Variants in PCDHA1 observed in about 807,000 individuals in gnomAD.
The protein encoded by PCDHA1 is protocadherin alpha-1.
PCDHA1 carries 42 observed loss-of-function variants against 61.3 expected under a neutral mutation model. The observed-to-expected ratio is 0.69, with a 90% CI of 0.54 to 0.89. PCDHA1 has a LOEUF of 0.89. PCDHA1 is among the 40% of genes least tolerant of loss of function. The pLI, the probability that PCDHA1 is intolerant of heterozygous loss-of-function variation, is 0.00. For missense variants in PCDHA1, 1,256 were observed against 1,235.3 expected (o/e 1.02, Z -0.25); for synonymous variants, 610 against 553.8 (o/e 1.10, Z -1.43).
intron 1 of PCDHA1, chr5:140,849,388 T>G: frequency 6.5e-7 from 1 of 1,533,538 alleles, no homozygotes; most frequent in Non-Finnish European, 8.9e-7. Context: ...ATGGACCCCT[T>G]AAGTGGGGCA....
chr5:140,964,579 G>A (rs2095841483), intron 1 of PCDHA1, among the ~76,000 whole-genome samples: 1 of 152,090 alleles, frequency 6.6e-6, no homozygotes, highest in Non-Finnish European at 1.5e-5. Flanking sequence ...ATAAGGGGAG[G>A]AAAGATCACT....
Position 140,851,214 on chromosome 5 carries a change from A to G in PCDHA1, c.2394+62530A>G. ...AGTTGTTAGTCATTCATTAAACATT[A>G]ACATCACTATCATTTATTTATTGCT... On this transcript the variant is annotated intron_variant, in intron 1 of 3. Coordinates refer to ENST00000504120, the MANE Select transcript of PCDHA1 (RefSeq NM_018900.4). The G allele has an allele frequency of 6.9e-6, 8 of 1,159,680 alleles. 1 individual carries two copies. The highest frequency in any genetic ancestry group is 7.7e-6 in the Non-Finnish European group (7 of 905,618). 71.8% of individuals were successfully genotyped at this position (1,159,680 alleles called of 1,614,324 possible).
At chr5:140,878,575 C>T (rs1339417321) in intron 1 of PCDHA1, among the ~76,000 whole-genome samples, 1 of 152,222 alleles carries the variant, frequency 6.6e-6, no homozygotes, top group African/African-American at 2.4e-5. Context: ...TAGTATACCA[C>T]TGCCCTGTGC....
intron 1 of PCDHA1, among the ~76,000 whole-genome samples, chr5:140,897,000 T>C (rs2065833068): frequency 6.6e-6 from 1 of 152,180 alleles, no homozygotes; most frequent in Non-Finnish European, 1.5e-5. Context: ...CTTTTAGTTA[T>C]TTTTAAATAT....
rs144400963 is a variant in PCDHA1, at chr5:140,797,257, C to A, written c.2394+8573C>A. The A allele has an allele frequency of 2.2e-4, 360 of 1,614,096 alleles. No individual in the cohort carries two copies. Among genetic ancestry groups the A allele is most frequent in the Admixed American group, 5.3e-4 (32 of 60,012 alleles). ...GAGGGTGTGCTCTGGGGAGGACCCC[C>A]CCAAGACGGACCTCATGGCCTTCAG... On this transcript the variant is annotated intron_variant, in intron 1 of 3. Transcript: ENST00000504120.
intron 1 of PCDHA1, chr5:140,868,995 A>G (rs944875255): frequency 4.0e-6 from 6 of 1,516,046 alleles, no homozygotes; most frequent in Non-Finnish European, 5.3e-6. Context: ...CCACCGTTTA[A>G]GGATCCTTTG....
chr5:140,858,449 G>A, intron 1 of PCDHA1: 3 of 1,532,030 alleles, frequency 2.0e-6, no homozygotes, highest in African/African-American at 2.8e-5. Context: ...GGGTTATTAC[G>A]TTTTCATTTT....
intron 1 of PCDHA1, chr5:140,876,487 G>A (rs782413739): frequency 4.3e-6 from 7 of 1,613,904 alleles, no homozygotes; most frequent in Non-Finnish European, 5.9e-6. Flanking sequence ...GGTCCTGGTG[G>A]AAGTTCTGGA....
chr5:140,796,667 C>T (rs1554120037), intron 1 of PCDHA1: 1 of 1,613,886 alleles, frequency 6.2e-7, no homozygotes, highest in Non-Finnish European at 8.5e-7. Flanking sequence ...CTGTTGGCGC[C>T]TAGGGCTGGC....
intron 1 of PCDHA1, chr5:140,843,329 G>T: frequency 6.3e-7 from 1 of 1,596,060 alleles, no homozygotes; most frequent in Non-Finnish European, 8.6e-7. Context: ...GGTGTCGCTG[G>T]TGGAGAGCGG....
intron 1 of PCDHA1, among the ~76,000 whole-genome samples, chr5:140,906,637 C>A (rs1171706512): frequency 6.6e-6 from 1 of 152,226 alleles, no homozygotes; most frequent in Non-Finnish European, 1.5e-5. Flanking sequence ...AGCACCTCAG[C>A]AGGTAGTGGT....
At chr5:140,981,289 C>G (rs1554242771) in intron 2 of PCDHA1, among the ~76,000 whole-genome samples, 1 of 152,138 alleles carries the variant, frequency 6.6e-6, no homozygotes, top group Non-Finnish European at 1.5e-5. Flanking sequence ...AAAGGGTCCT[C>G]TAGTCTAGGT....
chr5:140,883,230 A>T (rs1554177225), intron 1 of PCDHA1: 1 of 1,614,082 alleles, frequency 6.2e-7, no homozygotes, highest in African/African-American at 1.3e-5. Flanking sequence ...ATATCCGTGG[A>T]GGCAGTTGAC....
intron 1 of PCDHA1, among the ~76,000 whole-genome samples, chr5:140,793,683 A>G (rs1411875833): frequency 6.6e-6 from 1 of 152,148 alleles, no homozygotes; most frequent in African/African-American, 2.4e-5. Context: ...TTTCATCCTC[A>G]TCTTATCTTT....
chr5:140,819,524 G>T (rs1446749236), intron 1 of PCDHA1, among the ~76,000 whole-genome samples: 2 of 152,068 alleles, frequency 1.3e-5, no homozygotes, highest in Non-Finnish European at 2.9e-5. Flanking sequence ...AACTGGATCA[G>T]TCAAGAAAAT....
intron 1 of PCDHA1, chr5:140,867,897 T>C (rs1402943903): frequency 6.6e-6 from 1 of 152,136 alleles, no homozygotes; most frequent in East Asian, 1.9e-4. Flanking sequence ...ATCAGGTACT[T>C]ACAGAAGGTA....
chr5:140,952,923 C>T (rs1554220692), intron 1 of PCDHA1, among the ~76,000 whole-genome samples: 1 of 151,990 alleles, frequency 6.6e-6, no homozygotes, highest in East Asian at 1.9e-4. Context: ...ATGGCATGAG[C>T]AGGAGCAGGA....
rs140727388 is a variant in PCDHA1, at chr5:140,974,245, C to G, written c.2395-4704C>G. Among the ~76,000 whole-genome samples, 191 of 152,268 alleles carry G rather than the reference C, an allele frequency of 1.3e-3. 1 individual carries two copies. The highest frequency in any genetic ancestry group is 4.3e-3 in the African/African-American group (179 of 41,572). Reference sequence around the variant, plus strand: ...ATCTTAGTTCCTTGGCATATAAGCACCATCAGTTCCTTTCTGGCCTTCCAG... The same window carrying G: ...ATCTTAGTTCCTTGGCATATAAGCAGCATCAGTTCCTTTCTGGCCTTCCAG... On this transcript the variant is annotated intron_variant, in intron 1 of 3. Transcript: ENST00000504120.
intron 1 of PCDHA1, chr5:140,968,379 A>C: frequency 6.2e-7 from 1 of 1,614,034 alleles, no homozygotes; most frequent in Non-Finnish European, 8.5e-7. Context: ...AACTCCTTTG[A>C]CTATGAGAAG....
Sources: gnomAD v4.1 joint callset for allele counts (sites outside exome capture counted in the v4.1 genomes callset) on GRCh38, gnomAD v4.1.1 for gene constraint, MANE v1.5 for transcripts, NCBI Gene and HGNC (gene_info 2026-07-23, HGNC 2026-07-21) for gene names.